SNTG1: variants seen among roughly 807,000 people sequenced by gnomAD.
The protein encoded by SNTG1 is gamma-1-syntrophin.
SNTG1 carries 39 observed loss-of-function variants against 74.7 expected under a neutral mutation model. That is an observed-to-expected ratio of 0.52 (90% confidence interval 0.40 to 0.68). SNTG1 has a LOEUF of 0.68. Ranked by LOEUF, SNTG1 falls within the 30% of genes least tolerant of loss-of-function variation. The pLI is 0.00. For synonymous variants in SNTG1, 254 were observed against 217.1 expected, an observed-to-expected ratio of 1.17 and a Z score of -1.49; for missense variants, 685 against 609.5, an observed-to-expected ratio of 1.12 and a Z score of -1.30.
chr8:50,396,047 T>G (rs1304949759), intron 3 of SNTG1, among the ~76,000 whole-genome samples: 4 of 152,198 alleles, frequency 2.6e-5, no homozygotes, highest in Non-Finnish European at 5.9e-5. Context: ...TACAAGAGCT[T>G]TTTGTAAACA....
chr8:50,174,798 T>G lies in SNTG1; in HGVS notation c.-28+2163T>G, dbSNP rs577162486. On this transcript the variant is annotated intron_variant, in intron 2 of 18. Transcript: ENST00000642720. ...CATATGTATACATGTGCCATGTTGG[T>G]GTGCTGCACCCATTAACTCATCATT... Among the ~76,000 whole-genome samples the G allele has an allele frequency of 1.4e-4, 22 of 152,186 alleles. No individual in the cohort carries two copies. The South Asian group carries it at 4.6e-3, about 32-fold the overall frequency.
At chr8:50,322,532 T>C (rs2090572812) in intron 2 of SNTG1, among the ~76,000 whole-genome samples, 1 of 152,204 alleles carries the variant, frequency 6.6e-6, no homozygotes, top group Non-Finnish European at 1.5e-5. Flanking sequence ...TTAAACCTGC[T>C]GGTGTTCTAT....
chr8:50,304,440 AT>A (rs2089788195), intron 2 of SNTG1, among the ~76,000 whole-genome samples: 1 of 152,146 alleles, frequency 6.6e-6, no homozygotes, highest in South Asian at 2.1e-4. Flanking sequence ...TGAATTAATA[AT>A]TTTTTGGATT....
intron 2 of SNTG1, among the ~76,000 whole-genome samples, chr8:50,256,932 T>C (rs945770012): frequency 1.3e-5 from 2 of 152,190 alleles, no homozygotes; most frequent in African/African-American, 4.8e-5. Flanking sequence ...AGCTGCCTGC[T>C]ACCACCTCTG....
At chr8:50,280,985 C>CAAAAAAAAAAAAAAAA (rs35973666) in intron 2 of SNTG1, among the ~76,000 whole-genome samples, 1 of 75,462 alleles carries the variant, frequency 1.3e-5, no homozygotes, top group Non-Finnish European at 2.6e-5. Context: ...AACCCAGTCT[C>CAAAAAAAAAAAAAAAA]AAAAAAAAAA....
intron 1 of SNTG1, among the ~76,000 whole-genome samples, chr8:50,044,151 T>A (rs982045663): frequency 6.6e-6 from 1 of 152,180 alleles, no homozygotes; most frequent in African/African-American, 2.4e-5. Flanking sequence ...AAGTCCCTAG[T>A]TATGGAAGAA....
intron 18 of SNTG1, among the ~76,000 whole-genome samples, chr8:50,758,714 G>C (rs1156964578): frequency 1.3e-5 from 2 of 151,992 alleles, no homozygotes; most frequent in Admixed American, 6.6e-5. Context: ...TCTTTATCCA[G>C]TCTATCATTG....
chr8:50,196,953 G>T (rs2083794716), intron 2 of SNTG1, among the ~76,000 whole-genome samples: 1 of 152,072 alleles, frequency 6.6e-6, no homozygotes, highest in Non-Finnish European at 1.5e-5. Flanking sequence ...CGGCACTCCA[G>T]CCTGAGTGAC....
chr8:50,275,672 C>T (rs901273013), intron 2 of SNTG1, among the ~76,000 whole-genome samples: 2 of 152,124 alleles, frequency 1.3e-5, no homozygotes, highest in South Asian at 2.1e-4. Flanking sequence ...CACCTAAGTC[C>T]GGGCCCCCAG....
intron 8 of SNTG1, among the ~76,000 whole-genome samples, chr8:50,470,860 C>G (rs114174119): frequency 0.018 from 2,743 of 152,184 alleles, 95 homozygotes; most frequent in African/African-American, 0.063. Context: ...CTCTGGTGGC[C>G]GGCGTTTATT....
intron 1 of SNTG1, among the ~76,000 whole-genome samples, chr8:49,913,828 C>G (rs1256379715): frequency 6.6e-6 from 1 of 152,172 alleles, no homozygotes; most frequent in Non-Finnish European, 1.5e-5. Context: ...AGGGACTCCC[C>G]TAGTCAGTAG....
At chr8:50,099,110 T>C (rs1403940728) in intron 1 of SNTG1, among the ~76,000 whole-genome samples, 2 of 152,152 alleles carry the variant, frequency 1.3e-5, no homozygotes, top group Non-Finnish European at 2.9e-5. Context: ...ATGTGTCTAA[T>C]GGTAAAATTT....
chr8:50,417,436 G>T (rs1440017618), intron 4 of SNTG1, among the ~76,000 whole-genome samples: 4 of 152,126 alleles, frequency 2.6e-5, no homozygotes, highest in African/African-American at 9.6e-5. Context: ...TTCTTAGCAT[G>T]TAGAATTATA....
intron 1 of SNTG1, among the ~76,000 whole-genome samples, chr8:49,997,441 A>T (rs1814333868): frequency 6.6e-6 from 1 of 152,006 alleles, no homozygotes; most frequent in African/African-American, 2.4e-5. Flanking sequence ...TGCTCCCTTA[A>T]CTCAGAGGAG....
intron 2 of SNTG1, among the ~76,000 whole-genome samples, chr8:50,393,988 T>C (rs2092696052): frequency 6.6e-6 from 1 of 152,238 alleles, no homozygotes; most frequent in African/African-American, 2.4e-5. Context: ...TCAATCACAC[T>C]GAATGATGGC....
chr8:50,667,214 A>T (rs2131321102), intron 15 of SNTG1, among the ~76,000 whole-genome samples: 1 of 152,250 alleles, frequency 6.6e-6, no homozygotes, highest in South Asian at 2.1e-4. Flanking sequence ...ACTGTAATTT[A>T]TGTGAAGAAT....
At chr8:50,594,063 C>G (rs2094710643) in intron 13 of SNTG1, among the ~76,000 whole-genome samples, 1 of 152,090 alleles carries the variant, frequency 6.6e-6, no homozygotes, top group African/African-American at 2.4e-5. Flanking sequence ...TTAAACTTGC[C>G]CTGGTAACTT....
chr8:50,389,743 C>A (rs1209386692), intron 2 of SNTG1, among the ~76,000 whole-genome samples: 2 of 152,170 alleles, frequency 1.3e-5, no homozygotes, highest in Non-Finnish European at 2.9e-5. Context: ...TCTCCAGCAC[C>A]TGTTGTTTCC....
At chr8:50,654,028 T>A (rs1006316607) in intron 13 of SNTG1, among the ~76,000 whole-genome samples, 6 of 152,196 alleles carry the variant, frequency 3.9e-5, no homozygotes, top group African/African-American at 1.2e-4. Flanking sequence ...TGTCTTTGGT[T>A]CTCTGAAGAC....
Sources: allele counts gnomAD v4.1 joint callset (sites outside exome capture counted in the v4.1 genomes callset), GRCh38; gene constraint gnomAD v4.1.1; transcripts MANE v1.5; gene names NCBI Gene and HGNC (gene_info 2026-07-23, HGNC 2026-07-21).